The following SLC45A4 variants were observed in gnomAD, a reference collection of about 807,000 sequenced individuals.
SLC45A4 encodes the protein solute carrier family 45 member 4.
A neutral mutation model predicts 63.7 loss-of-function variants in SLC45A4; 32 were observed. The observed-to-expected ratio is 0.50, with a 90% CI of 0.38 to 0.67. The LOEUF (loss-of-function observed/expected upper bound fraction) is 0.67. Ranked by LOEUF, SLC45A4 falls within the 30% of genes least tolerant of loss-of-function variation. The pLI, the probability that SLC45A4 is intolerant of heterozygous loss-of-function variation, is 0.00. For synonymous variants in SLC45A4, 535 were observed against 510.0 expected (o/e 1.05, Z -0.66); for missense variants, 1,027 against 1,157.7 (o/e 0.89, Z 1.64).
chr8:141,284,852 A>G (rs1346726346), intron 1 of SLC45A4, among the ~76,000 whole-genome samples: 1 of 152,124 alleles, frequency 6.6e-6, no homozygotes, highest in East Asian at 1.9e-4. Flanking sequence ...TGACTGTGGA[A>G]GAGAACAGCT....
At position 141,260,118 on chromosome 8, in the gene SLC45A4, G is replaced by T. The variant is rs557831342; in HGVS notation, c.-400-5489C>A. Among the ~76,000 whole-genome samples the T allele has an allele frequency of 8.7e-4, 132 of 152,336 alleles. 1 individual carries two copies. Among genetic ancestry groups the T allele is most frequent in the Non-Finnish European group, 1.2e-4 (8 of 68,026 alleles). ...CTTCCCTTCCTCAAGCAGGGCAGAG[G>T]CAGGGGCACAGTACACGGATTTTAC... On this transcript the variant is annotated intron_variant, in intron 1 of 8. Coordinates refer to ENST00000517878, the MANE Select transcript of SLC45A4 (RefSeq NM_001286646.2).
rs1826056616 is a variant in SLC45A4, at chr8:141,215,066, G to C, written c.1941+693C>G. ...TGGCCATACACTGTGACATGAAAAG[G>C]CTGGCCGTGCTGCCGCCAGCAAGCA... On this transcript the variant is annotated intron_variant, in intron 7 of 8. Coordinates refer to ENST00000517878, the MANE Select transcript of SLC45A4 (RefSeq NM_001286646.2). This position sits in a 1 kb window ranked among gnomAD's most constrained non-coding sequence, Gnocchi z 4.3. Among the ~76,000 whole-genome samples, 1 of 152,210 alleles carries C rather than the reference G, an allele frequency of 6.6e-6. No homozygotes were observed. The highest frequency in any genetic ancestry group is 2.4e-5 in the African/African-American group (1 of 41,446).
intron 1 of SLC45A4, among the ~76,000 whole-genome samples, chr8:141,280,968 T>G (rs1414989689): frequency 6.6e-6 from 1 of 152,216 alleles, no homozygotes; most frequent in African/African-American, 2.4e-5. Context: ...ATTTTCCTAC[T>G]CAAAGACAAC....
At chr8:141,286,629 T>C (rs1409195628) in intron 1 of SLC45A4, among the ~76,000 whole-genome samples, 1 of 152,112 alleles carries the variant, frequency 6.6e-6, no homozygotes, top group Non-Finnish European at 1.5e-5. Flanking sequence ...CTTCAGAGCC[T>C]GCCCCCCAGA....
rs1205854577 is a variant in SLC45A4 at position 141,277,835 on chromosome 8, G to T, written c.-400-23206C>A. On this transcript the variant is annotated intron_variant, in intron 1 of 8. Transcript: ENST00000517878. ...TTTTGTATTTTTTTTGTAGAGATGG[G>T]GTTTCACCGTGTTAGCCAGGATGCT... 8.6e-5 allele frequency among the ~76,000 whole-genome samples: 13 copies of T among 151,894 alleles called. 1 individual carries two copies. Among genetic ancestry groups the T allele is most frequent in the Admixed American group, 8.5e-4 (13 of 15,264 alleles).
chr8:141,253,923 G>C, intron 2 of SLC45A4, 66 bp downstream of exon 2: 1 of 1,518,774 alleles, frequency 6.6e-7, no homozygotes, highest in Non-Finnish European at 8.8e-7. Flanking sequence ...CAGAGGATCA[G>C]AGCCACGCCC....
chr8:141,223,070 C>A (rs1826751800), intron 2 of SLC45A4, among the ~76,000 whole-genome samples: 2 of 152,148 alleles, frequency 1.3e-5, no homozygotes, highest in African/African-American at 4.8e-5. Flanking sequence ...GTTGAGCTAG[C>A]AAGAAAAATA....
intron 1 of SLC45A4, among the ~76,000 whole-genome samples, chr8:141,300,093 T>C (rs1830693349): frequency 6.6e-6 from 1 of 152,136 alleles, no homozygotes; most frequent in Non-Finnish European, 1.5e-5. Context: ...CCCAAATAGC[T>C]GCATGGCCGA....
At chr8:141,222,993 GT>G (rs1293977632) in intron 2 of SLC45A4, among the ~76,000 whole-genome samples, 8 of 152,194 alleles carry the variant, frequency 5.3e-5, no homozygotes, top group Non-Finnish European at 1.0e-4. Context: ...CGAAATAAAG[GT>G]GCTTGGCACG....
intron 1 of SLC45A4, among the ~76,000 whole-genome samples, chr8:141,284,179 T>A (rs184003820): frequency 6.6e-5 from 10 of 152,326 alleles, no homozygotes; most frequent in African/African-American, 2.2e-4. Flanking sequence ...CAATCGTTCA[T>A]CTAGGTCAAC....
chr8:141,219,820 AG>A lies in SLC45A4; in HGVS notation c.439del (p.Leu147SerfsTer232). 1 of 1,582,158 alleles carries A rather than the reference AG, an allele frequency of 6.3e-7. No individual in the cohort carries two copies. Reference sequence around the variant, plus strand: ...GGGCTGCCGGTTGGGGACATCGCCGAGGGCCAGACCTGCGCAGAGCACACGG... The same window carrying A: ...GGGCTGCCGGTTGGGGACATCGCCGAGGCCAGACCTGCGCAGAGCACACGG... ...FLNGSAIGLA[L>X]GDVPNRQPIG... On this transcript the variant is annotated frameshift_variant, in exon 4 of 9. Coordinates refer to ENST00000517878, the MANE Select transcript of SLC45A4 (RefSeq NM_001286646.2). LOFTEE classifies it high-confidence loss of function.
Position 141,218,563 on chromosome 8 carries a change from C to T in SLC45A4, c.1077G>A (p.Leu359=). Reference sequence around the variant, plus strand: ...TGGCGGCTTCCTTGAGGAAGGTGGCCAGGCGGGGCAGCTTGGTCTTGGCGA... The same window carrying T: ...TGGCGGCTTCCTTGAGGAAGGTGGCTAGGCGGGGCAGCTTGGTCTTGGCGA... The part of the protein sequence containing the change: ...QELAKTKLPR[L]ATFLKEAAKE... Residue 359 remains leucine (L), a synonymous_variant, in exon 5 of 9, where the codon CTG becomes CTA. Transcript: ENST00000517878. 1 of 1,613,516 alleles carries T rather than the reference C, an allele frequency of 6.2e-7. No individual in the cohort carries two copies.
Position 141,212,512 on chromosome 8 carries a change from T to C in SLC45A4, c.1986A>G (p.Ile662Met). The C allele has an allele frequency of 6.2e-7, 1 of 1,612,940 alleles. No homozygotes were observed. ...CTTGGCAGGACAGGATGGCACAATC[T>C]ATGCCAAACCCTCGCTTGGAGTTCC... ...SPGNSKRGFG[I>M]DCAILSCQVY... The change falls in exon 8 of 9, where the codon ATA becomes ATG. Residue 662 changes from isoleucine (I) to methionine (M), a missense_variant. Transcript: ENST00000517878.
intron 1 of SLC45A4, among the ~76,000 whole-genome samples, chr8:141,259,069 C>T (rs1828938035): frequency 6.6e-6 from 1 of 152,142 alleles, no homozygotes; most frequent in South Asian, 2.1e-4. Context: ...AAGTCAGCTG[C>T]CTCACTGGAG....
chr8:141,244,282 G>A (rs1369419617), intron 2 of SLC45A4, among the ~76,000 whole-genome samples: 1 of 152,198 alleles, frequency 6.6e-6, no homozygotes, highest in Middle Eastern at 3.2e-3. Flanking sequence ...ATGGAGTCCA[G>A]CCCATGCCTG....
At chr8:141,298,107 C>T (rs901118323) in intron 1 of SLC45A4, among the ~76,000 whole-genome samples, 1 of 152,198 alleles carries the variant, frequency 6.6e-6, no homozygotes, top group Non-Finnish European at 1.5e-5. Context: ...GCTCTTTCTG[C>T]AAAGCCCTTC....
At position 141,281,184 on chromosome 8, in the gene SLC45A4, C is replaced by A. The variant is rs546189866; in HGVS notation, c.-400-26555G>T. 1.8e-3 allele frequency among the ~76,000 whole-genome samples: 275 copies of A among 152,154 alleles called. 2 individuals are homozygous for A. The highest frequency in any genetic ancestry group is 6.3e-3 in the African/African-American group (263 of 41,504). ...TGAAACCCTGTCTCTACTAAAAGTA[C>A]AAAAATTAGCTGGGTGTGGTGGCAG... On this transcript the variant is annotated intron_variant, in intron 1 of 8. Transcript: ENST00000517878.
intron 7 of SLC45A4, among the ~76,000 whole-genome samples, chr8:141,214,663 T>G (rs1258267270): frequency 6.6e-6 from 1 of 152,228 alleles, no homozygotes; most frequent in Admixed American, 6.5e-5. Flanking sequence ...TTGAGGGATT[T>G]CTACTACCAG....
chr8:141,219,707 C>A lies in SLC45A4; in HGVS notation c.553G>T (p.Asp185Tyr), dbSNP rs1263861571. 6.2e-7 allele frequency: 1 copy of A among 1,612,440 alleles called. No homozygotes were observed. The highest frequency in any genetic ancestry group is 8.5e-7 in the Non-Finnish European group (1 of 1,179,480). Residue 185 changes from aspartate to tyrosine, a missense_variant, in exon 4 of 9, where the codon GAC becomes TAC. By Grantham distance (160) the Asp-to-Tyr change is radical. Transcript: ENST00000517878. ...TEGPIRAYLLDVVDSEEQDMA... is the reference protein window; with the variant it reads ...TEGPIRAYLLYVVDSEEQDMA... ...TCCTGCTCCTCGCTGTCCACCACGTCCAGCAGATAGGCACGGATGGGCCCC... is the reference window on the plus strand; with the variant it reads ...TCCTGCTCCTCGCTGTCCACCACGTACAGCAGATAGGCACGGATGGGCCCC...
Sources: gnomAD v4.1 joint callset for allele counts (sites outside exome capture counted in the v4.1 genomes callset) on GRCh38, gnomAD v4.1.1 for gene constraint, Gnocchi (gnomAD v3.1) non-coding constraint, MANE v1.5 for transcripts, NCBI Gene and HGNC (gene_info 2026-07-23, HGNC 2026-07-21) for gene names.